ETF1: variants seen among roughly 807,000 people sequenced by gnomAD.
The protein encoded by ETF1 is eukaryotic translation termination factor 1.
Under a neutral mutation model 55.1 loss-of-function variants are expected in ETF1, and 4 were observed. The ratio of observed to expected loss-of-function variants is 0.07; its 90% CI spans 0.04 to 0.17. The LOEUF (loss-of-function observed/expected upper bound fraction) is 0.17, where lower values mean the gene tolerates loss of function less well. Among genes scored for constraint, ETF1 ranks in the 10% least tolerant of loss-of-function variants. The pLI is 1.00. For missense variants in ETF1, 142 were observed against 523.6 expected (o/e 0.27, Z 7.11); for synonymous variants, 157 against 182.3 (o/e 0.86, Z 1.12).
chr5:138,525,201 G>A (rs950547467), intron 2 of ETF1, among the ~76,000 whole-genome samples: 3 of 149,042 alleles, frequency 2.0e-5, no homozygotes, highest in Non-Finnish European at 3.0e-5. Flanking sequence ...ACTGTCACCC[G>A]GGCTGGAGTG....
chr5:138,517,412 A>G, intron 4 of ETF1, 149 bp downstream of exon 4: 1 of 407,640 alleles, frequency 2.5e-6, no homozygotes, highest in Non-Finnish European at 4.5e-6. Context: ...TAAAAATAAA[A>G]GAAGTACAGC....
At chr5:138,527,641 C>A (rs140271670) in intron 2 of ETF1, among the ~76,000 whole-genome samples, 30 of 152,292 alleles carry the variant, frequency 2.0e-4, no homozygotes, top group Non-Finnish European at 3.8e-4. Context: ...ACACAGGGGT[C>A]CACTCATGCA....
intron 3 of ETF1, 137 bp downstream of exon 3, chr5:138,518,555 G>C: frequency 1.4e-6 from 1 of 714,798 alleles, no homozygotes. Flanking sequence ...AAACAAAAAA[G>C]CTAACCACCA....
intron 2 of ETF1, among the ~76,000 whole-genome samples, chr5:138,534,536 G>C (rs150393742): frequency 1.3e-5 from 2 of 152,178 alleles, no homozygotes; most frequent in Non-Finnish European, 2.9e-5. Context: ...ACTGATGCTC[G>C]TCAAGAATAA....
At chr5:138,542,286 G>C (rs1375967287) in intron 2 of ETF1, among the ~76,000 whole-genome samples, 1 of 152,142 alleles carries the variant, frequency 6.6e-6, no homozygotes, top group Non-Finnish European at 1.5e-5. Context: ...AGTCATCTTG[G>C]GACAGGTGGA....
Position 138,511,241 on chromosome 5 carries a change from T to C in ETF1, c.863-41A>G, listed in dbSNP as rs750115920. On this transcript the variant is annotated intron_variant, in intron 7 of 10. Transcript: ENST00000360541. ...AGTCAACAGGATATATATTAAAGTT[T>C]CCCTAGTAGATACAAACACACCTAT... 2.5e-6 allele frequency: 4 copies of C among 1,601,288 alleles called. No homozygotes were observed. The African/African-American group carries it at 5.4e-5, about 22-fold the overall frequency.
At chr5:138,512,251 TATATA>T (rs1297733455) in intron 6 of ETF1, among the ~76,000 whole-genome samples, 5 of 11,000 alleles carry the variant, frequency 4.5e-4, no homozygotes, top group African/African-American at 1.4e-3. Flanking sequence ...TATATATATA[TATATA>T]TATTTTTTTT....
intron 8 of ETF1, 109 bp from the exon 9 acceptor site, chr5:138,510,738 C>T (rs893852540): frequency 1.4e-6 from 2 of 1,437,658 alleles, no homozygotes; most frequent in Non-Finnish European, 1.9e-6. Flanking sequence ...CTCAATCTCT[C>T]AACATTTTTT....
chr5:138,527,778 CTTTT>C (rs111540636), intron 2 of ETF1, among the ~76,000 whole-genome samples: 2 of 145,612 alleles, frequency 1.4e-5, no homozygotes, highest in Non-Finnish European at 3.0e-5. Flanking sequence ...TCTTTCTTTT[CTTTT>C]TTTTTTTGAG....
At chr5:138,509,803 G>A (rs1320988432) in intron 9 of ETF1, among the ~76,000 whole-genome samples, 1 of 149,632 alleles carries the variant, frequency 6.7e-6, no homozygotes, top group African/African-American at 2.5e-5. Flanking sequence ...GCTGAGGCAG[G>A]AGAATTGCTT....
intron 2 of ETF1, among the ~76,000 whole-genome samples, chr5:138,521,750 G>A (rs927079638): frequency 1.3e-5 from 2 of 151,964 alleles, no homozygotes; most frequent in Admixed American, 6.6e-5. Flanking sequence ...GGCTGGTCTC[G>A]AACTCCCGGC....
intron 2 of ETF1, among the ~76,000 whole-genome samples, chr5:138,536,092 T>G (rs754557463): frequency 1.3e-5 from 2 of 152,162 alleles, no homozygotes; most frequent in Non-Finnish European, 2.9e-5. Context: ...TGAAGCCCAT[T>G]AGCTTACTGG....
chr5:138,517,624 G>A lies in ETF1; in HGVS notation c.339C>T (p.Asp113=). 6.2e-7 allele frequency: 1 copy of A among 1,600,674 alleles called. No homozygotes were observed. The highest frequency in any genetic ancestry group is 1.1e-5 in the South Asian group (1 of 89,692). Residue 113 remains aspartate, a synonymous_variant, in exon 4 of 11, where the codon GAC becomes GAT. Coordinates refer to ENST00000360541, the MANE Select transcript of ETF1 (RefSeq NM_004730.4). ...TATTAATTGGTTTGAAAGGTTCAAA[G>A]TCAATGTTGACTTTCTTTTCCTTTC... ...EEGKEKKVNI[D]FEPFKPINTS... is the part of the protein sequence containing the mutation.
chr5:138,512,137 C>T lies in ETF1; in HGVS notation c.733-533G>A, dbSNP rs1675729548. ...ATCACTTAAGCCTGGGAGATCGAGG[C>T]TGCAGTGAGCCATGATTGCCACTGC... On this transcript the variant is annotated intron_variant, in intron 6 of 10. Transcript: ENST00000360541. Among the ~76,000 whole-genome samples, 3 of 128,730 alleles carry T rather than the reference C, an allele frequency of 2.3e-5. No homozygotes were observed. The Admixed American group carries it at 2.7e-4, about 11-fold the overall frequency. The allele number at this position is 128,730 out of a possible 152,430, so 84.5% of individuals were successfully genotyped here.
intron 2 of ETF1, among the ~76,000 whole-genome samples, chr5:138,537,496 T>C (rs146902962): frequency 3.3e-4 from 50 of 152,350 alleles, no homozygotes; most frequent in African/African-American, 1.2e-3. Flanking sequence ...GAGAAGTCTG[T>C]AGTTGTTTGT....
intron 2 of ETF1, chr5:138,541,735 G>T: frequency 5.8e-6 from 4 of 693,660 alleles, no homozygotes; most frequent in Non-Finnish European, 7.5e-6. Context: ...AGACATACAA[G>T]TATGTAATAA....
intron 4 of ETF1, chr5:138,513,981 G>A (rs1262176189): frequency 3.3e-5 from 28 of 854,594 alleles, no homozygotes; most frequent in Non-Finnish European, 3.9e-5. Flanking sequence ...AAAGATATCT[G>A]TATGCCCATG....
chr5:138,511,726 A>T, intron 6 of ETF1, 122 bp from the exon 7 acceptor site: 1 of 1,397,610 alleles, frequency 7.2e-7, no homozygotes, highest in Non-Finnish European at 9.3e-7. Flanking sequence ...TGATCACTGA[A>T]GTCTAAATAT....
intron 2 of ETF1, among the ~76,000 whole-genome samples, chr5:138,542,395 A>G (rs1313020630): frequency 1.3e-5 from 2 of 152,144 alleles, no homozygotes; most frequent in Non-Finnish European, 2.9e-5. Context: ...GAAGCCCAGA[A>G]GGGAGAGGCC....
Sources: gnomAD v4.1 joint callset for allele counts (sites outside exome capture counted in the v4.1 genomes callset) on GRCh38, gnomAD v4.1.1 for gene constraint, MANE v1.5 for transcripts, NCBI Gene and HGNC (gene_info 2026-07-23, HGNC 2026-07-21) for gene names.